NACA: variants seen among roughly 807,000 people sequenced by gnomAD.
NACA encodes nascent polypeptide-associated complex subunit alpha.
Under a neutral mutation model 86.4 loss-of-function variants are expected in NACA, and 42 were observed. The observed-to-expected ratio is 0.49, with a 90% CI of 0.38 to 0.63. The LOEUF (loss-of-function observed/expected upper bound fraction) is 0.63, where lower values mean the gene tolerates loss of function less well. Ranked by LOEUF, NACA falls within the 20% of genes least tolerant of loss-of-function variation. The pLI, the probability that NACA is intolerant of heterozygous loss-of-function variation, is 0.00. For synonymous variants in NACA, 898 were observed against 973.7 expected (o/e 0.92, Z 1.45); for missense variants, 2,157 against 2,483.6 (o/e 0.87, Z 2.80).
rs1202608990 is a variant in NACA at position 56,717,416 on chromosome 12, G to C, written c.4114C>G (p.Pro1372Ala). The part of the protein sequence containing the change: ...TPSSKEGPTP[P>A]AATPSHKGGP... ...CCTTTGTGGGAGGGGGTTGCAGCTGGGGGAGTGGGGCCCTCTTTGGAGGAT... is the reference window on the plus strand; with the variant it reads ...CCTTTGTGGGAGGGGGTTGCAGCTGCGGGAGTGGGGCCCTCTTTGGAGGAT... Residue 1372 changes from proline to alanine, a missense_variant, in exon 3 of 9, where the codon CCA becomes GCA. By Grantham distance (27) the Pro-to-Ala change is conservative. Around this residue, in one of 8 missense-constraint regions of NACA, gnomAD observed 797 missense variants for 777.6 expected, o/e 1.02. Coordinates refer to ENST00000454682, the MANE Select transcript of NACA (RefSeq NM_001365896.1). The C allele has an allele frequency of 7.3e-7, 1 of 1,374,570 alleles. No individual in the cohort carries two copies. The highest frequency in any genetic ancestry group is 9.6e-7 in the Non-Finnish European group (1 of 1,039,986). 85.1% of individuals were successfully genotyped at this position (1,374,570 alleles called of 1,614,324 possible). A position where few individuals can be genotyped will look rare whatever the true frequency, so the allele number is the denominator to read the frequency against.
At chr12:56,715,360 C>T (rs1010711576) in intron 3 of NACA, among the ~76,000 whole-genome samples, 1 of 152,150 alleles carries the variant, frequency 6.6e-6, no homozygotes, top group Non-Finnish European at 1.5e-5. Flanking sequence ...AAGCATACAC[C>T]TGCACCATTT....
At chr12:56,712,747 G>A (rs768875387) in intron 8 of NACA, 39 bp downstream of exon 8, 1 of 1,613,944 alleles carries the variant, frequency 6.2e-7, no homozygotes, top group African/African-American at 1.3e-5. Flanking sequence ...TAATTGGTCA[G>A]GGCAGAGGGA....
At position 56,718,770 on chromosome 12, in the gene NACA, CT is replaced by C; in HGVS notation, c.2759del (p.Lys920ArgfsTer95). On this transcript the variant is annotated frameshift_variant, in exon 3 of 9. Coordinates refer to ENST00000454682, the MANE Select transcript of NACA (RefSeq NM_001365896.1). LOFTEE classifies it high-confidence loss of function. ...ALSMTSSSPKKARATPAPKGI... is the reference protein window; with the variant it reads ...ALSMTSSSPKXARATPAPKGI... ...CTTTAGGGGCTGGAGTTGCTCGGGCCTTTTTGGGGGAGGAAGAAGTCATGGA... is the reference window on the plus strand; with the variant it reads ...CTTTAGGGGCTGGAGTTGCTCGGGCCTTTTGGGGGAGGAAGAAGTCATGGA... The C allele has an allele frequency of 6.9e-7, 1 of 1,442,252 alleles. No individual in the cohort carries two copies. Among genetic ancestry groups the C allele is most frequent in the Non-Finnish European group, 9.3e-7 (1 of 1,070,022 alleles). 89.3% of individuals were successfully genotyped at this position (1,442,252 alleles called of 1,614,324 possible).
chr12:56,717,651 A>G lies in NACA; in HGVS notation c.3879T>C (p.Thr1293=), dbSNP rs1226043881. 1.0e-5 allele frequency: 12 copies of G among 1,186,370 alleles called. No homozygotes were observed. The highest frequency in any genetic ancestry group is 5.3e-5 in the African/African-American group (3 of 56,364). 73.5% of individuals were successfully genotyped at this position (1,186,370 alleles called of 1,614,324 possible). A position where few individuals can be genotyped will look rare whatever the true frequency, so the allele number is the denominator to read the frequency against. ...CTGGGCCTCCTTTTGGAGAGGGAGG[A>G]GTTACAACTGCGGGATTGGGGGCCC... The part of the protein sequence containing the change: ...HKGAPNPAVV[T]PPSPKGGPAT... Residue 1293 remains threonine, a synonymous_variant, in exon 3 of 9, where the codon ACT becomes ACC. Coordinates refer to ENST00000454682, the MANE Select transcript of NACA (RefSeq NM_001365896.1).
chr12:56,717,508 G>C lies in NACA; in HGVS notation c.4022C>G (p.Pro1341Arg). The change falls in exon 3 of 9, where the codon CCC becomes CGC. Residue 1341 changes from proline (P) to arginine (R), a missense_variant. Around this residue, in one of 8 missense-constraint regions of NACA, gnomAD observed 797 missense variants for 777.6 expected, o/e 1.02. Transcript: ENST00000454682. ...GAGAGTAGGGGTCCCTTTAGGGGAG[G>C]GAGGAGTTACAGCTGGGGGAGTGGG... ...GAPTPPAVTP[P>R]SPKGTPTLPA... 7.6e-7 allele frequency: 1 copy of C among 1,316,544 alleles called. No homozygotes were observed. Among genetic ancestry groups the C allele is most frequent in the Admixed American group, 2.7e-5 (1 of 36,784 alleles). The allele number at this position is 1,316,544 out of a possible 1,614,324, so 81.6% of individuals were successfully genotyped here.
rs1445866181 is a variant in NACA at position 56,720,213 on chromosome 12, G to A, written c.1317C>T (p.Thr439=). 7 of 1,613,812 alleles carry A rather than the reference G, an allele frequency of 4.3e-6. No individual in the cohort carries two copies. The highest frequency in any genetic ancestry group is 5.9e-6 in the Non-Finnish European group (7 of 1,179,882). Residue 439 remains threonine (T), a synonymous_variant, in exon 3 of 9, where the codon ACC becomes ACT. Transcript: ENST00000454682. ...TACAGGGGTTAGTCACCACAAGTGGGGTGGTTCCAACAGAAGAAACGGGCA... is the reference window on the plus strand; with the variant it reads ...TACAGGGGTTAGTCACCACAAGTGGAGTGGTTCCAACAGAAGAAACGGGCA... ...AQMPVSSVGT[T]PLVVTNPCTI... is the part of the protein sequence containing the mutation.
In NACA at chr12:56,716,266, G is replaced by C; in HGVS notation, c.5264C>G (p.Ser1755Cys). 1 of 1,613,676 alleles carries C rather than the reference G, an allele frequency of 6.2e-7. No homozygotes were observed. The highest frequency in any genetic ancestry group is 1.6e-4 in the Middle Eastern group (1 of 6,062). ...AGCCAAGGGGCCCTTTGGGGAATGA[G>C]AAGCATCTTTGCCTTTTGCTGTCTT... ...SSKTAKGKDA[S>C]HSPKGPLAPP... Residue 1755 changes from serine (S) to cysteine (C), a missense_variant, in exon 3 of 9, where the codon TCT becomes TGT. Physicochemically the swap from Ser to Cys is moderately radical, Grantham distance 112 (BLOSUM62 -1). This residue lies in a region of NACA where 797 missense variants were observed against 777.6 expected (regional missense o/e 1.02). Coordinates refer to ENST00000454682, the MANE Select transcript of NACA (RefSeq NM_001365896.1).
Position 56,719,135 on chromosome 12 carries a change from C to T in NACA, c.2395G>A (p.Val799Ile), listed in dbSNP as rs764378596. The T allele has an allele frequency of 2.1e-6, 3 of 1,457,962 alleles. No homozygotes were observed. Among genetic ancestry groups the T allele is most frequent in the South Asian group, 2.3e-5 (2 of 88,798 alleles). The allele number at this position is 1,457,962 out of a possible 1,614,324, so 90.3% of individuals were successfully genotyped here. A position where few individuals can be genotyped will look rare whatever the true frequency, so the allele number is the denominator to read the frequency against. Residue 799 changes from valine to isoleucine, a missense_variant, in exon 3 of 9, where the codon GTT becomes ATT. Around this residue, in one of 8 missense-constraint regions of NACA, gnomAD observed 174 missense variants for 217.0 expected, o/e 0.80. Transcript: ENST00000454682. ...CTTTTAGTCTGAGGAGACACACTAACCCCTAAAGGAGATGGGGAATCAGCT... is the reference window on the plus strand; with the variant it reads ...CTTTTAGTCTGAGGAGACACACTAATCCCTAAAGGAGATGGGGAATCAGCT... ...YLADSPSPLG[V>I]SVSPQTKRPP...
intron 2 of NACA, among the ~76,000 whole-genome samples, chr12:56,723,590 C>CT (rs1383858353): frequency 6.6e-6 from 1 of 152,062 alleles, no homozygotes; most frequent in African/African-American, 2.4e-5. Flanking sequence ...TGGGAAGAAA[C>CT]TTTATGCTTT....
chr12:56,715,910 T>G lies in NACA; in HGVS notation c.5620A>C (p.Thr1874Pro). ...GTAACAGGTTGCTTGGCAGAGGGGG[T>G]TGGGACAGGGATTCCAGCAGATTTA... Reference protein sequence around the residue: ...TPKSAGIPVPTPSAKQPVTKN... With the variant: ...TPKSAGIPVPPPSAKQPVTKN... Residue 1874 changes from threonine to proline, a missense_variant, in exon 3 of 9, where the codon ACC becomes CCC. Physicochemically the swap from Thr to Pro is conservative, Grantham distance 38. Around this residue, in one of 8 missense-constraint regions of NACA, gnomAD observed 797 missense variants for 777.6 expected, o/e 1.02. Transcript: ENST00000454682. 1 of 1,515,036 alleles carries G rather than the reference T, an allele frequency of 6.6e-7. No individual in the cohort carries two copies. Among genetic ancestry groups the G allele is most frequent in the Non-Finnish European group, 8.8e-7 (1 of 1,131,474 alleles). The allele number at this position is 1,515,036 out of a possible 1,614,324, so 93.8% of individuals were successfully genotyped here.
At position 56,716,022 on chromosome 12, in the gene NACA, A is replaced by G. The variant is rs201261189; in HGVS notation, c.5508T>C (p.Asp1836=). The G allele has an allele frequency of 1.1e-5, 18 of 1,604,066 alleles. No homozygotes were observed. The highest frequency in any genetic ancestry group is 4.0e-5 in the African/African-American group (3 of 74,856). ...ESPSKPLAPA[D]EDELLPLIPP... Reference sequence around the variant, plus strand: ...GAATCAGAGGCAGCAGCTCATCCTCATCAGCAGGGGCAAGGGGTTTAGAGG... The same window carrying G: ...GAATCAGAGGCAGCAGCTCATCCTCGTCAGCAGGGGCAAGGGGTTTAGAGG... Residue 1836 remains aspartate (D), a synonymous_variant, in exon 3 of 9, where the codon GAT becomes GAC. Transcript: ENST00000454682.
In NACA at chr12:56,713,643, G is replaced by T; in HGVS notation, c.5864C>A (p.Thr1955Asn). Residue 1955 changes from threonine (T) to asparagine (N), a missense_variant, in exon 6 of 9, where the codon ACT becomes AAT. Coordinates refer to ENST00000454682, the MANE Select transcript of NACA (RefSeq NM_001365896.1). Reference sequence around the variant, plus strand: ...CTTAGATTTCCGGATAGTGACTCTAGTAACTCCTGTAACCTGCCGAAGACC... The same window carrying T: ...CTTAGATTTCCGGATAGTGACTCTATTAACTCCTGTAACCTGCCGAAGACC... ...KLGLRQVTGV[T>N]RVTIRKSKNI... is the part of the protein sequence containing the mutation. The T allele has an allele frequency of 6.2e-7, 1 of 1,614,070 alleles. No homozygotes were observed. The highest frequency in any genetic ancestry group is 8.5e-7 in the Non-Finnish European group (1 of 1,179,952).
chr12:56,722,318 T>C (rs1438486728), intron 2 of NACA, among the ~76,000 whole-genome samples: 2 of 152,202 alleles, frequency 1.3e-5, no homozygotes, highest in Non-Finnish European at 2.9e-5. Context: ...GGCAGAGAGC[T>C]TACTCACAAG....
chr12:56,714,177 T>C (rs896831041), intron 5 of NACA, 185 bp downstream of exon 5: 17 of 592,196 alleles, frequency 2.9e-5, no homozygotes, highest in Non-Finnish European at 8.9e-6. Flanking sequence ...ATTCTACCAC[T>C]ACTAAGAATT....
intron 1 of NACA, 102 bp from the exon 2 acceptor site, chr12:56,724,625 A>G: frequency 7.8e-7 from 1 of 1,288,624 alleles, no homozygotes; most frequent in Non-Finnish European, 1.1e-6. Context: ...GGGCTGTTAG[A>G]AAAAAATCGT....
rs200342422 is a variant in NACA, at chr12:56,714,579, C to G, written c.5745+23G>C. ...TCAACCCTGCTTCTTTGACCCAATA[C>G]CAGTTAGTAAGAGAATACCCACCTG... On this transcript the variant is annotated intron_variant, in intron 4 of 8. Coordinates refer to ENST00000454682, the MANE Select transcript of NACA (RefSeq NM_001365896.1). 3,362 of 1,613,362 alleles carry G rather than the reference C, an allele frequency of 2.1e-3. 23 individuals are homozygous for G. The highest frequency in any genetic ancestry group is 2.0e-3 in the Non-Finnish European group (2,338 of 1,179,326).
rs1953553194 is a variant in NACA, at chr12:56,720,846, G to A, written c.684C>T (p.Ala228=). The change falls in exon 3 of 9, where the codon GCC becomes GCT. Residue 228 remains alanine, a synonymous_variant. Transcript: ENST00000454682. ...TPMASIQSGV[A]SLPQTTPTTT... ...TTGTGGGTGTTGTCTGAGGAAGGGA[G>A]GCCACTCCAGATTGAATAGAGGCCA... The A allele has an allele frequency of 6.2e-7, 1 of 1,613,866 alleles. No individual in the cohort carries two copies. The highest frequency in any genetic ancestry group is 1.3e-5 in the African/African-American group (1 of 74,910).
intron 3 of NACA, among the ~76,000 whole-genome samples, chr12:56,715,378 A>C (rs1253366439): frequency 6.6e-6 from 1 of 152,230 alleles, no homozygotes; most frequent in Non-Finnish European, 1.5e-5. Flanking sequence ...TTTTCAGGCT[A>C]GGAAAAACAG....
chr12:56,719,889 G>A lies in NACA; in HGVS notation c.1641C>T (p.Ala547=), dbSNP rs757465321. The part of the protein sequence containing the change: ...ASLEGAPFSP[A]QAGLTTKKDP... Reference sequence around the variant, plus strand: ...CTTTCTTGGTGGTGAGTCCTGCTTGGGCTGGAGAGAAAGGGGCTCCTTCAA... The same window carrying A: ...CTTTCTTGGTGGTGAGTCCTGCTTGAGCTGGAGAGAAAGGGGCTCCTTCAA... The change falls in exon 3 of 9, where the codon GCC becomes GCT. Residue 547 remains alanine (A), a synonymous_variant. Coordinates refer to ENST00000454682, the MANE Select transcript of NACA (RefSeq NM_001365896.1). The A allele has an allele frequency of 6.2e-7, 1 of 1,613,780 alleles. No individual in the cohort carries two copies. The highest frequency in any genetic ancestry group is 1.3e-5 in the African/African-American group (1 of 74,878).
Sources: allele counts gnomAD v4.1 joint callset (sites outside exome capture counted in the v4.1 genomes callset), GRCh38; gene constraint gnomAD v4.1.1; regional missense constraint gnomAD v4.1.1; transcripts MANE v1.5; gene names NCBI Gene and HGNC (gene_info 2026-07-23, HGNC 2026-07-21).